The following SLC26A9 variants were observed in gnomAD, a reference collection of about 807,000 sequenced individuals.
The protein encoded by SLC26A9 is anion transporter/exchanger protein 9.
In SLC26A9, 46 loss-of-function variants were observed where a neutral mutation model predicts 87.1. The observed-to-expected ratio is 0.53, with a 90% CI of 0.42 to 0.67. The LOEUF (loss-of-function observed/expected upper bound fraction) is 0.67. Ranked by LOEUF, SLC26A9 falls within the 30% of genes least tolerant of loss-of-function variation. SLC26A9 has a pLI of 0.00. For synonymous variants in SLC26A9, 437 were observed against 409.1 expected, an observed-to-expected ratio of 1.07 and a Z score of -0.82; for missense variants, 927 against 1,018.3, an observed-to-expected ratio of 0.91 and a Z score of 1.22.
chr1:205,935,545 T>TA, intron 2 of SLC26A9, 151 bp downstream of exon 2: 1 of 1,248,488 alleles, frequency 8.0e-7, no homozygotes, highest in Non-Finnish European at 1.1e-6. Flanking sequence ...GATGAGGTTG[T>TA]AGGATCTTAA....
Position 205,923,549 on chromosome 1 carries a change from T to C in SLC26A9, c.1561A>G (p.Asn521Asp), listed in dbSNP as rs1201796617. Residue 521 changes from asparagine (N) to aspartate (D), a missense_variant, in exon 14 of 21, where the codon AAT becomes GAT. Coordinates refer to ENST00000367135, the MANE Select transcript of SLC26A9 (RefSeq NM_052934.4). ...TDIYVNPKTY[N>D]RAQDIQGIKI... ...CATAAGCTTGAATTACCTACCCTAT[T>C]ATAGGTCTTGGGATTCACATAAATG... 3 of 1,614,178 alleles carry C rather than the reference T, an allele frequency of 1.9e-6. No individual in the cohort carries two copies. Among genetic ancestry groups the C allele is most frequent in the Non-Finnish European group, 2.5e-6 (3 of 1,180,034 alleles).
In SLC26A9 at chr1:205,926,645, C is replaced by T; in HGVS notation, c.1294-15G>A. On this transcript the variant is annotated splice_polypyrimidine_tract_variant and intron_variant, in intron 11 of 20. Transcript: ENST00000367135. ...CCTAGCACAGACTAGAGAAGCAGAA[C>T]ATTGCTCCAGGACCCCAGGGTCTCC... 6.2e-7 allele frequency: 1 copy of T among 1,611,760 alleles called. No individual in the cohort carries two copies. Among genetic ancestry groups the T allele is most frequent in the Non-Finnish European group, 8.5e-7 (1 of 1,177,910 alleles).
intron 20 of SLC26A9, among the ~76,000 whole-genome samples, chr1:205,916,954 A>T (rs1276148746): frequency 1.3e-5 from 2 of 151,992 alleles, no homozygotes; most frequent in Non-Finnish European, 2.9e-5. Flanking sequence ...TACAAAAATT[A>T]GCTGGGCGCA....
intron 20 of SLC26A9, among the ~76,000 whole-genome samples, 185 bp downstream of exon 20, chr1:205,917,098 A>G (rs1340523726): frequency 2.2e-4 from 22 of 99,366 alleles, no homozygotes; most frequent in South Asian, 8.1e-4. Context: ...GTCTCAAATT[A>G]AAAAAAAAAA....
chr1:205,926,418 T>G, intron 12 of SLC26A9, 117 bp downstream of exon 12: 1 of 847,106 alleles, frequency 1.2e-6, no homozygotes, highest in Non-Finnish European at 2.0e-6. Context: ...ACTCATCTCA[T>G]GCTAATTAGG....
At chr1:205,931,808 G>T in intron 5 of SLC26A9, 52 bp downstream of exon 5, 1 of 1,564,180 alleles carries the variant, frequency 6.4e-7, no homozygotes, top group Non-Finnish European at 8.7e-7. Context: ...CTTTGAGGGA[G>T]GGGCAGGGTG....
intron 1 of SLC26A9, among the ~76,000 whole-genome samples, chr1:205,939,091 G>A (rs917121823): frequency 6.6e-6 from 1 of 152,240 alleles, no homozygotes; most frequent in Non-Finnish European, 1.5e-5. Flanking sequence ...TGCTGAAGGG[G>A]AGAAGGCTCT....
Sources: allele counts gnomAD v4.1 joint callset (sites outside exome capture counted in the v4.1 genomes callset), GRCh38; gene constraint gnomAD v4.1.1; transcripts MANE v1.5; gene names NCBI Gene and HGNC (gene_info 2026-07-23, HGNC 2026-07-21).